Variants in AKAP9 observed in about 807,000 individuals in gnomAD.
AKAP9 encodes A-kinase anchor protein 9.
Under a neutral mutation model 488.5 loss-of-function variants are expected in AKAP9, and 311 were observed. That is an observed-to-expected ratio of 0.64 (90% CI 0.58 to 0.70). The LOEUF (loss-of-function observed/expected upper bound fraction) is 0.70. Among genes scored for constraint, AKAP9 ranks in the 30% least tolerant of loss-of-function variants. The pLI, the probability that AKAP9 is intolerant of heterozygous loss-of-function variation, is 0.00. For missense variants in AKAP9, 4,215 were observed against 4,374.5 expected (o/e 0.96, Z 1.03); for synonymous variants, 1,462 against 1,483.5 (o/e 0.99, Z 0.33).
In AKAP9 at chr7:92,086,357, C is replaced by T; in HGVS notation, c.9154C>T (p.Leu3052=). 2 of 1,613,942 alleles carry T rather than the reference C, an allele frequency of 1.2e-6. No individual in the cohort carries two copies. The highest frequency in any genetic ancestry group is 1.7e-6 in the Non-Finnish European group (2 of 1,179,940). ...AGCATTTCGGACGGAGCTGACAGCTCTAGGTACTACAGATGCAGTTGGTTT... is the reference window on the plus strand; with the variant it reads ...AGCATTTCGGACGGAGCTGACAGCTTTAGGTACTACAGATGCAGTTGGTTT... ...LAAFRTELTA[L]GTTDAVGLLN... Residue 3052 remains leucine, a synonymous_variant, in exon 37 of 50, where the codon CTA becomes TTA. Transcript: ENST00000356239.
chr7:92,065,281 T>C lies in AKAP9; in HGVS notation c.6028T>C (p.Cys2010Arg). Residue 2010 changes from cysteine (C) to arginine (R), a missense_variant, in exon 25 of 50, where the codon TGT becomes CGT. Coordinates refer to ENST00000356239, the MANE Select transcript of AKAP9 (RefSeq NM_005751.5). ...KLMKEKLEVQ[C>R]QAEKVRDDLQ... Reference sequence around the variant, plus strand: ...AATGAAGGAAAAACTAGAAGTACAATGTCAAGCTGAAAAAGTACGTGATGA... The same window carrying C: ...AATGAAGGAAAAACTAGAAGTACAACGTCAAGCTGAAAAAGTACGTGATGA... 1 of 1,612,816 alleles carries C rather than the reference T, an allele frequency of 6.2e-7. No individual in the cohort carries two copies. The highest frequency in any genetic ancestry group is 8.5e-7 in the Non-Finnish European group (1 of 1,179,360).
At chr7:92,065,495 C>G in intron 25 of AKAP9, 32 bp downstream of exon 25, 1 of 1,462,356 alleles carries the variant, frequency 6.8e-7, no homozygotes. Flanking sequence ...ACTGATTTTT[C>G]TCAGTGGAAT....
chr7:92,048,010 G>A (rs1807298235), intron 21 of AKAP9, among the ~76,000 whole-genome samples: 1 of 152,012 alleles, frequency 6.6e-6, no homozygotes, highest in African/African-American at 2.4e-5. Context: ...TGAGTTAATA[G>A]AATTTATAAT....
chr7:92,085,603 C>A lies in AKAP9; in HGVS notation c.8941C>A (p.Leu2981Ile). Residue 2981 changes from leucine to isoleucine, a missense_variant, in exon 36 of 50, where the codon CTA (leucine) becomes ATA (isoleucine). By Grantham distance (5) the Leu-to-Ile change is conservative. Coordinates refer to ENST00000356239, the MANE Select transcript of AKAP9 (RefSeq NM_005751.5). ...TATTCAGCAGGTTTCAGAACCTTGG[C>A]TAGAAGAGAGAAAAGCTTACATCAA... ...HSIQQVSEPW[L>I]EERKAYINTI... The A allele has an allele frequency of 1.2e-6, 2 of 1,613,694 alleles. No homozygotes were observed. Among genetic ancestry groups the A allele is most frequent in the Non-Finnish European group, 1.7e-6 (2 of 1,179,820 alleles).
At position 92,077,092 on chromosome 7, in the gene AKAP9, C is replaced by CTTTTTTTTTTTTTTTTTTTTTTTTTTT. The variant is rs201649179; in HGVS notation, c.6765+88_6765+89insTTTTTTTTTTTTTTTTTTTTTTTTTTT. The CTTTTTTTTTTTTTTTTTTTTTTTTTTT allele has an allele frequency of 1.7e-5, 5 of 296,970 alleles. 1 individual carries two copies. The highest frequency in any genetic ancestry group is 1.4e-4 in the South Asian group (1 of 7,018). The allele number at this position is 296,970 out of a possible 1,614,324, so 18.4% of individuals were successfully genotyped here. A position where few individuals can be genotyped will look rare whatever the true frequency, so the allele number is the denominator to read the frequency against. ...TTTATTATTATTATTATTATTATTT[C>CTTTTTTTTTTTTTTTTTTTTTTTTTTT]TTTCTTTTTTTTTTTTTTTTTGAGA... is the stretch of plus-strand genomic sequence containing the variant. On this transcript the variant is annotated intron_variant, in intron 29 of 49. Transcript: ENST00000356239.
chr7:92,035,016 CTCT>C lies in AKAP9; in HGVS notation c.4339-3396_4339-3394del, dbSNP rs773137779. Reference sequence around the variant, plus strand: ...TTCTGCGTGCTTTGGACTTAATTTGCTCTTCTTCTGCTTTTCTAAAAGGAATTT... The same window carrying C: ...TTCTGCGTGCTTTGGACTTAATTTGCTCTTCTGCTTTTCTAAAAGGAATTT... On this transcript the variant is annotated intron_variant, in intron 16 of 49. Transcript: ENST00000356239. Among the ~76,000 whole-genome samples, 14 of 152,104 alleles carry C rather than the reference CTCT, an allele frequency of 9.2e-5. No homozygotes were observed. The East Asian group carries it at 1.4e-3, about 15-fold the overall frequency.
At position 92,001,589 on chromosome 7, in the gene AKAP9, C is replaced by T. The variant is rs1347036987; in HGVS notation, c.1672C>T (p.Leu558Phe). The change falls in exon 8 of 50, where the codon CTT (leucine) becomes TTT (phenylalanine). Residue 558 changes from leucine to phenylalanine, a missense_variant. Physicochemically the swap from Leu to Phe is conservative, Grantham distance 22 (BLOSUM62 0). Transcript: ENST00000356239. The part of the protein sequence containing the change: ...RQTIAEQESK[L>F]NEAHKSLSTV... ...GACAATAGCTGAACAAGAAAGTAAA[C>T]TTAATGAAGCACATAAGTCCCTTAG... 5 of 1,613,772 alleles carry T rather than the reference C, an allele frequency of 3.1e-6. No homozygotes were observed. Among genetic ancestry groups the T allele is most frequent in the South Asian group, 2.2e-5 (2 of 91,072 alleles).
chr7:91,973,610 T>A, intron 1 of AKAP9, 101 bp from the exon 2 acceptor site: 1 of 1,207,234 alleles, frequency 8.3e-7, no homozygotes, highest in Non-Finnish European at 1.2e-6. Flanking sequence ...TATTTAGTGA[T>A]AGTTTGATCT....
rs201649179 is a variant in AKAP9 at position 92,077,092 on chromosome 7, C to CTTTTTTTTTTTTTTTTTTTTTT, written c.6765+88_6765+89insTTTTTTTTTTTTTTTTTTTTTT. The CTTTTTTTTTTTTTTTTTTTTTT allele has an allele frequency of 1.3e-5, 4 of 296,970 alleles. 1 individual carries two copies. Among genetic ancestry groups the CTTTTTTTTTTTTTTTTTTTTTT allele is most frequent in the African/African-American group, 3.1e-5 (1 of 32,574 alleles). 18.4% of individuals were successfully genotyped at this position (296,970 alleles called of 1,614,324 possible). On this transcript the variant is annotated intron_variant, in intron 29 of 49. Transcript: ENST00000356239. ...TTTATTATTATTATTATTATTATTT[C>CTTTTTTTTTTTTTTTTTTTTTT]TTTCTTTTTTTTTTTTTTTTTGAGA...
chr7:92,089,098 CT>C (rs1162614871), intron 37 of AKAP9, among the ~76,000 whole-genome samples: 1 of 152,004 alleles, frequency 6.6e-6, no homozygotes, highest in Non-Finnish European at 1.5e-5. Flanking sequence ...TGAATAGGCT[CT>C]GTATATCACA....
rs753247821 is a variant in AKAP9 at position 92,102,799 on chromosome 7, C to T, written c.11303C>T (p.Ala3768Val). The T allele has an allele frequency of 5.6e-6, 9 of 1,614,110 alleles. 1 individual carries two copies. In the South Asian group the frequency reaches 9.9e-5, roughly 18 times the overall value. ...RPKGFTRFRS[A>V]VRVSIAISRM... The stretch of plus-strand genomic sequence containing the variant: ...AAGGGCTTCACCAGGTTTCGGTCGG[C>T]CGTCAGAGTATCCATTGCAATTTCC... The change falls in exon 46 of 50, where the codon GCC becomes GTC. Residue 3768 changes from alanine (A) to valine (V), a missense_variant. This residue lies in a region of AKAP9 where 253 missense variants were observed against 266.8 expected (regional missense o/e 0.95). Coordinates refer to ENST00000356239, the MANE Select transcript of AKAP9 (RefSeq NM_005751.5).
chr7:91,956,392 T>C (rs538854579), intron 1 of AKAP9, among the ~76,000 whole-genome samples: 9 of 121,108 alleles, frequency 7.4e-5, no homozygotes, highest in Non-Finnish European at 1.4e-4. Flanking sequence ...AGAGTGAGAC[T>C]CTGTCTCAAA....
chr7:92,065,020 G>T (rs1430155396), intron 24 of AKAP9, among the ~76,000 whole-genome samples: 2 of 150,618 alleles, frequency 1.3e-5, no homozygotes, highest in South Asian at 4.2e-4. Context: ...TAATAATTCT[G>T]TATAATTTTA....
At position 92,002,682 on chromosome 7, in the gene AKAP9, CTT is replaced by C; in HGVS notation, c.2768_2769del (p.Phe923CysfsTer9). On this transcript the variant is annotated frameshift_variant, in exon 8 of 50. Transcript: ENST00000356239. LOFTEE classifies it high-confidence loss of function. ...AGTTCTGTCTTTGATGAAGACAAAA[CTT>C]TTGTAGCAGAAACATTGGAAATGGG... is the stretch of plus-strand genomic sequence containing the variant. 2.5e-6 allele frequency: 4 copies of C among 1,613,376 alleles called. No homozygotes were observed. Among genetic ancestry groups the C allele is most frequent in the Non-Finnish European group, 3.4e-6 (4 of 1,179,652 alleles).
rs1041705868 is a variant in AKAP9, at chr7:92,083,020, CTG to C, written c.8161-147_8161-146del. The C allele has an allele frequency of 1.6e-5, 14 of 851,648 alleles. 1 individual carries two copies. In the Admixed American group the frequency reaches 3.5e-4, roughly 21 times the overall value. The allele number at this position is 851,648 out of a possible 1,614,324, so 52.8% of individuals were successfully genotyped here. A position where few individuals can be genotyped will look rare whatever the true frequency, so the allele number is the denominator to read the frequency against. On this transcript the variant is annotated intron_variant, in intron 32 of 49. Transcript: ENST00000356239. ...GTACATACAAATATATATATGTAAA[CTG>C]TGAGCGTTTCTGAAATGTTTTTCCT...
At chr7:92,105,204 AC>A (rs1408603839) in intron 46 of AKAP9, among the ~76,000 whole-genome samples, 3 of 152,022 alleles carry the variant, frequency 2.0e-5, no homozygotes, top group African/African-American at 7.3e-5. Flanking sequence ...TTTGAAACCA[AC>A]GTTTTTTTGT....
At chr7:92,044,956 G>A (rs1701175539) in intron 20 of AKAP9, 52 bp from the exon 21 acceptor site, 3 of 1,428,072 alleles carry the variant, frequency 2.1e-6, no homozygotes, top group Non-Finnish European at 2.0e-6. Context: ...TAAGCAAAGT[G>A]TTTGCTTCAA....
intron 16 of AKAP9, among the ~76,000 whole-genome samples, chr7:92,034,929 T>A (rs1214100898): frequency 6.6e-6 from 1 of 152,160 alleles, no homozygotes; most frequent in Non-Finnish European, 1.5e-5. Flanking sequence ...TTTGTTTCAT[T>A]GTTGTTTTTA....
At chr7:92,062,860 C>G (rs1313638669) in intron 24 of AKAP9, among the ~76,000 whole-genome samples, 1 of 152,136 alleles carries the variant, frequency 6.6e-6, no homozygotes, top group Non-Finnish European at 1.5e-5. Flanking sequence ...AAGCACTGAT[C>G]TGGCACTAGT....
Sources: allele counts gnomAD v4.1 joint callset (sites outside exome capture counted in the v4.1 genomes callset), GRCh38; gene constraint gnomAD v4.1.1; regional missense constraint gnomAD v4.1.1; transcripts MANE v1.5; gene names NCBI Gene and HGNC (gene_info 2026-07-23, HGNC 2026-07-21).